CFAP46: variants seen among roughly 807,000 people sequenced by gnomAD.
CFAP46 encodes cilia- and flagella-associated protein 46.
In CFAP46, 245 loss-of-function variants were observed where a neutral mutation model predicts 325.7. The ratio of observed to expected loss-of-function variants is 0.75; its 90% confidence interval spans 0.68 to 0.84. CFAP46 has a LOEUF of 0.84. CFAP46 is among the 40% of genes least tolerant of loss of function. CFAP46 has a pLI of 0.00. For missense variants in CFAP46, 3,346 were observed against 3,543.0 expected (o/e 0.94, Z 1.41); for synonymous variants, 1,523 against 1,495.9 (o/e 1.02, Z -0.42).
intron 56 of CFAP46, 28 bp from the exon 57 acceptor site, chr10:132,810,517 G>T: frequency 6.3e-7 from 1 of 1,597,834 alleles, no homozygotes; most frequent in South Asian, 1.1e-5. Context: ...CCTCAGGAGG[G>T]CATGGACACC....
Position 132,889,679 on chromosome 10 carries a change from A to AC in CFAP46, c.3304+2653dup, listed in dbSNP as rs1380814199. Among the ~76,000 whole-genome samples the AC allele has an allele frequency of 2.0e-5, 3 of 152,136 alleles. No individual in the cohort carries two copies. The East Asian group carries it at 5.8e-4, about 29-fold the overall frequency. ...ACACATCCAATTCACGGGCGGAGGC[A>AC]CTGCAGCCGGACCCCACCCCTCATG... On this transcript the variant is annotated intron_variant, in intron 25 of 57. Coordinates refer to ENST00000368586, the MANE Select transcript of CFAP46 (RefSeq NM_001200049.3). This position sits in a 1 kb window ranked among gnomAD's most constrained non-coding sequence, Gnocchi z 6.0.
intron 50 of CFAP46, among the ~76,000 whole-genome samples, chr10:132,829,875 C>A (rs1848120770): frequency 6.6e-6 from 1 of 152,190 alleles, no homozygotes; most frequent in Admixed American, 6.5e-5. Flanking sequence ...TGGGTTAAAA[C>A]CCACGTGGAC....
At chr10:132,934,961 T>C in intron 7 of CFAP46, 99 bp from the exon 8 acceptor site, 3 of 810,742 alleles carry the variant, frequency 3.7e-6, no homozygotes, top group Non-Finnish European at 2.1e-6. Flanking sequence ...TGTTTCTCAC[T>C]GAAGAGGAGA....
In CFAP46 at chr10:132,915,637, G is replaced by A. The variant is rs569247869; in HGVS notation, c.2120+912C>T. ...TCTGCCCCGAGGGACCGGCGAGGGC[G>A]GGGTGCCGTGCCCAGCTTCTGATGC... On this transcript the variant is annotated intron_variant, in intron 17 of 57. Transcript: ENST00000368586. Among the ~76,000 whole-genome samples, 56 of 151,750 alleles carry A rather than the reference G, an allele frequency of 3.7e-4. No homozygotes were observed. The South Asian group carries it at 9.0e-3, about 24-fold the overall frequency.
rs1296877831 is a variant in CFAP46, at chr10:132,871,400, G to C, written c.4511+1276C>G. 2.6e-5 allele frequency among the ~76,000 whole-genome samples: 4 copies of C among 152,208 alleles called. No individual in the cohort carries two copies. The East Asian group carries it at 7.7e-4, about 29-fold the overall frequency. On this transcript the variant is annotated intron_variant, in intron 32 of 57. Transcript: ENST00000368586. ...TTAATAAAGTTATAGCTGCCGCAGA[G>C]AGTGATTCTTCTGATGGATCTGGGC...
chr10:132,884,968 T>G lies in CFAP46; in HGVS notation c.3627+135A>C. 1.0e-6 allele frequency: 1 copy of G among 952,802 alleles called. No homozygotes were observed. Among genetic ancestry groups the G allele is most frequent in the Non-Finnish European group, 1.5e-6 (1 of 658,924 alleles). The allele number at this position is 952,802 out of a possible 1,614,324, so 59.0% of individuals were successfully genotyped here. On this transcript the variant is annotated intron_variant, in intron 27 of 57. Coordinates refer to ENST00000368586, the MANE Select transcript of CFAP46 (RefSeq NM_001200049.3). The surrounding 1 kb of genome is among the most constrained non-coding windows in gnomAD (Gnocchi z 5.4). Reference sequence around the variant, plus strand: ...GGAGTGCCCGGGGCCACGCGGTGCATTCTCTGTGCCCGTCAGCTGTGGCTG... The same window carrying G: ...GGAGTGCCCGGGGCCACGCGGTGCAGTCTCTGTGCCCGTCAGCTGTGGCTG...
intron 49 of CFAP46, 80 bp from the exon 50 acceptor site, chr10:132,833,605 T>G: frequency 1.3e-6 from 2 of 1,491,180 alleles, no homozygotes; most frequent in Non-Finnish European, 9.1e-7. Flanking sequence ...GTCTTCTGAC[T>G]TGGCTGCTGG....
At chr10:132,913,020 G>A (rs959449089) in intron 18 of CFAP46, 26 bp downstream of exon 18, 30 of 1,545,758 alleles carry the variant, frequency 1.9e-5, no homozygotes, top group East Asian at 4.9e-5. Context: ...CCCTCCCTGC[G>A]TGAACGCAGC....
intron 26 of CFAP46, 98 bp downstream of exon 26, chr10:132,885,723 T>TGGAGCACTCACAGGCGGTGTGG (rs1259699772): frequency 5.3e-5 from 48 of 910,012 alleles, no homozygotes; most frequent in East Asian, 5.1e-4. Context: ...ATGCAGTGGG[T>TGGAGCACTCACAGGCGGTGTGG]GGAGCACTCA....
chr10:132,825,657 T>C (rs1374959922), intron 50 of CFAP46, among the ~76,000 whole-genome samples: 1 of 152,088 alleles, frequency 6.6e-6, no homozygotes, highest in African/African-American at 2.4e-5. Context: ...ATTTTGTTCA[T>C]CAAAAGACCC....
intron 22 of CFAP46, among the ~76,000 whole-genome samples, chr10:132,901,554 G>A (rs914748492): frequency 6.6e-6 from 1 of 152,168 alleles, no homozygotes; most frequent in Admixed American, 6.5e-5. Context: ...CCTCGGAATC[G>A]CTGCCTCTCA....
At chr10:132,912,597 CCTCTCTCCTCT>C (rs1849567723) in intron 19 of CFAP46, 47 bp downstream of exon 19, 83 of 1,281,556 alleles carry the variant, frequency 6.5e-5, no homozygotes, top group Middle Eastern at 1.9e-4. Flanking sequence ...CTCTCTCTCT[CCTCTCTCCTCT>C]CTCTCTCTCT....
chr10:132,857,554 G>A (rs370449969), intron 39 of CFAP46, 36 bp downstream of exon 39: 1 of 1,594,608 alleles, frequency 6.3e-7, no homozygotes, highest in African/African-American at 1.4e-5. Context: ...CGGTGGGAGT[G>A]ACCCAGTGTG....
intron 8 of CFAP46, among the ~76,000 whole-genome samples, chr10:132,930,876 C>T (rs1040958731): frequency 1.8e-5 from 2 of 109,816 alleles, no homozygotes; most frequent in Non-Finnish European, 3.7e-5. Context: ...CCACACTCCC[C>T]ACGCAGAGCC....
At chr10:132,930,980 T>C (rs1471302073) in intron 8 of CFAP46, among the ~76,000 whole-genome samples, 83 of 63,328 alleles carry the variant, frequency 1.3e-3, no homozygotes, top group East Asian at 1.6e-3. Flanking sequence ...TGGGCCTCCC[T>C]ACACTCCCCA....
intron 17 of CFAP46, among the ~76,000 whole-genome samples, chr10:132,915,673 G>A (rs553786354): frequency 5.6e-4 from 85 of 152,182 alleles, no homozygotes; most frequent in African/African-American, 1.9e-3. Flanking sequence ...ATGGATAGTC[G>A]GGGACACCCG....
In CFAP46 at chr10:132,937,072, C is replaced by G. The variant is rs751096275; in HGVS notation, c.661-17G>C. 1.4e-6 allele frequency: 2 copies of G among 1,418,964 alleles called. No individual in the cohort carries two copies. Among genetic ancestry groups the G allele is most frequent in the South Asian group, 1.5e-5 (1 of 64,714 alleles). The allele number at this position is 1,418,964 out of a possible 1,614,324, so 87.9% of individuals were successfully genotyped here. ...ATGACGAACCTGTCATAAAATGGAG[C>G]AGATTATTAATCTGGATTCAAACAA... On this transcript the variant is annotated splice_polypyrimidine_tract_variant and intron_variant, in intron 6 of 57. Transcript: ENST00000368586.
At chr10:132,930,125 G>A (rs1849870660) in intron 8 of CFAP46, among the ~76,000 whole-genome samples, 1 of 152,118 alleles carries the variant, frequency 6.6e-6, no homozygotes, top group Non-Finnish European at 1.5e-5. Flanking sequence ...CAGGGATGAC[G>A]ACATGCGTAC....
At chr10:132,891,557 T>C (rs1433213512) in intron 25 of CFAP46, among the ~76,000 whole-genome samples, 1 of 152,230 alleles carries the variant, frequency 6.6e-6, no homozygotes, top group Non-Finnish European at 1.5e-5. Context: ...TGACATATTT[T>C]GAAGGGGCCC....
Sources: gnomAD v4.1 joint callset for allele counts (sites outside exome capture counted in the v4.1 genomes callset) on GRCh38, gnomAD v4.1.1 for gene constraint, Gnocchi (gnomAD v3.1) non-coding constraint, MANE v1.5 for transcripts, NCBI Gene and HGNC (gene_info 2026-07-23, HGNC 2026-07-21) for gene names.